Variants in SLC13A4 observed in about 807,000 individuals in gnomAD.
SLC13A4 encodes the protein Na(+)/sulfate cotransporter SUT-1.
In SLC13A4, 28 loss-of-function variants were observed where a neutral mutation model predicts 72.7. The ratio of observed to expected loss-of-function variants is 0.39; its 90% CI spans 0.29 to 0.53. The LOEUF (loss-of-function observed/expected upper bound fraction) is 0.53. Ranked by LOEUF, SLC13A4 falls within the 20% of genes least tolerant of loss-of-function variation. SLC13A4 has a pLI of 0.78. For synonymous variants in SLC13A4, 312 were observed against 325.5 expected (o/e 0.96, Z 0.45); for missense variants, 653 against 788.0 (o/e 0.83, Z 2.05).
At chr7:135,685,963 A>G (rs1401036691) in intron 13 of SLC13A4, among the ~76,000 whole-genome samples, 1 of 152,256 alleles carries the variant, frequency 6.6e-6, no homozygotes, top group African/African-American at 2.4e-5. Flanking sequence ...GGACTTTGCC[A>G]TGACAACTTG....
intron 13 of SLC13A4, among the ~76,000 whole-genome samples, chr7:135,688,337 A>G (rs904041824): frequency 6.6e-6 from 1 of 150,684 alleles, no homozygotes; most frequent in African/African-American, 2.4e-5. Flanking sequence ...GCTCACTGCA[A>G]CCTCCTCCTC....
At chr7:135,711,198 C>G (rs919517046) in intron 2 of SLC13A4, among the ~76,000 whole-genome samples, 1 of 152,158 alleles carries the variant, frequency 6.6e-6, no homozygotes, top group Non-Finnish European at 1.5e-5. Context: ...GATGCGGGAC[C>G]GTTGTGGGAG....
intron 15 of SLC13A4, 37 bp downstream of exon 15, chr7:135,684,087 C>T (rs908388382): frequency 2.6e-6 from 4 of 1,561,768 alleles, no homozygotes; most frequent in African/African-American, 2.7e-5. Flanking sequence ...GTCCTCATGG[C>T]AGCTGGGCCT....
chr7:135,706,154 G>C lies in SLC13A4; in HGVS notation c.512C>G (p.Ser171Cys), dbSNP rs751906640. 1 of 1,606,404 alleles carries C rather than the reference G, an allele frequency of 6.2e-7. No individual in the cohort carries two copies. Among genetic ancestry groups the C allele is most frequent in the Non-Finnish European group, 8.5e-7 (1 of 1,173,966 alleles). The change falls in exon 4 of 16, where the codon TCC becomes TGC. Residue 171 changes from serine (S) to cysteine (C), a missense_variant. Physicochemically the swap from Ser to Cys is moderately radical, Grantham distance 112 (BLOSUM62 -1). Coordinates refer to ENST00000682651, the MANE Select transcript of SLC13A4 (RefSeq NM_001318192.2). Reference protein sequence around the residue: ...AEDEQLVAGNSNTEEAEPISL... With the variant: ...AEDEQLVAGNCNTEEAEPISL... ...GATGGGTTCGGCCTCTTCGGTGTTG[G>C]AGTTGCCCGCCACGAGCTGCTCGTC...
chr7:135,688,306 G>T (rs1215557753), intron 13 of SLC13A4, among the ~76,000 whole-genome samples: 1 of 151,436 alleles, frequency 6.6e-6, no homozygotes, highest in Non-Finnish European at 1.5e-5. Flanking sequence ...ACCCAGGCTG[G>T]AATGCAGTGG....
At chr7:135,718,815 CT>C (rs1796483997) in intron 2 of SLC13A4, among the ~76,000 whole-genome samples, 1 of 152,108 alleles carries the variant, frequency 6.6e-6, no homozygotes, top group African/African-American at 2.4e-5. Context: ...TAGCTTCCCC[CT>C]GTGAGCCATG....
chr7:135,706,034 C>T, intron 4 of SLC13A4, 94 bp downstream of exon 4: 1 of 1,286,646 alleles, frequency 7.8e-7, no homozygotes. Flanking sequence ...CTGGGGTGGG[C>T]ACAAAGTTGG....
intron 2 of SLC13A4, among the ~76,000 whole-genome samples, chr7:135,720,397 G>A (rs115007135): frequency 4.5e-4 from 69 of 152,000 alleles, no homozygotes; most frequent in Middle Eastern, 3.4e-3. Flanking sequence ...ACTAGCATGC[G>A]CCTTGTACAG....
chr7:135,711,968 T>A (rs1796314803), intron 2 of SLC13A4, among the ~76,000 whole-genome samples: 2 of 42,418 alleles, frequency 4.7e-5, no homozygotes, highest in Non-Finnish European at 9.4e-5. Flanking sequence ...TTTGGATTTT[T>A]TTTTTTTTTT....
chr7:135,690,818 A>G (rs1795767504), intron 13 of SLC13A4, among the ~76,000 whole-genome samples: 1 of 152,150 alleles, frequency 6.6e-6, no homozygotes, highest in Admixed American at 6.5e-5. Flanking sequence ...CTTTCCTCCC[A>G]TGCCCATAAT....
chr7:135,691,439 C>CG, intron 12 of SLC13A4, 109 bp downstream of exon 12: 2 of 885,012 alleles, frequency 2.3e-6, no homozygotes, highest in Non-Finnish European at 3.2e-6. Flanking sequence ...GGGCGGGGGC[C>CG]GGGAGGGGGG....
At chr7:135,726,798 G>A (rs1403671573) in intron 1 of SLC13A4, among the ~76,000 whole-genome samples, 1 of 152,244 alleles carries the variant, frequency 6.6e-6, no homozygotes, top group Non-Finnish European at 1.5e-5. Context: ...ACGTGCATGG[G>A]AGCAGGGCAG....
intron 2 of SLC13A4, among the ~76,000 whole-genome samples, chr7:135,711,243 C>CGAA (rs1433289874): frequency 1.3e-5 from 2 of 152,126 alleles, no homozygotes; most frequent in Admixed American, 6.5e-5. Context: ...CACAGCCCTG[C>CGAA]GAAGCTTTTC....
At chr7:135,685,724 G>C in intron 13 of SLC13A4, 41 bp from the exon 14 acceptor site, 21 of 1,549,036 alleles carry the variant, frequency 1.4e-5, no homozygotes, top group Non-Finnish European at 1.8e-5. Context: ...AGGAGAAGAA[G>C]CACATCCCAG....
At chr7:135,705,898 C>A in intron 4 of SLC13A4, 2 of 559,324 alleles carry the variant, frequency 3.6e-6, no homozygotes, top group Non-Finnish European at 3.2e-6. Flanking sequence ...GAAAAGAGCC[C>A]AGAAGTGAAG....
intron 8 of SLC13A4, among the ~76,000 whole-genome samples, chr7:135,695,752 G>C (rs1188526804): frequency 6.6e-6 from 1 of 152,140 alleles, no homozygotes; most frequent in Non-Finnish European, 1.5e-5. Context: ...TTGCACTCAA[G>C]AGAATGACTC....
chr7:135,683,396 C>G (rs890471964), intron 15 of SLC13A4: 2 of 980,642 alleles, frequency 2.0e-6, no homozygotes, highest in African/African-American at 3.6e-5. Flanking sequence ...TGTTACTTTA[C>G]AGGGCTGCCC....
chr7:135,700,278 A>G (rs1481286827), intron 7 of SLC13A4, among the ~76,000 whole-genome samples: 2 of 152,148 alleles, frequency 1.3e-5, no homozygotes, highest in South Asian at 4.1e-4. Flanking sequence ...ACGGCCTTTC[A>G]GGGTCAGAGA....
At chr7:135,710,095 C>A (rs1406506470) in intron 2 of SLC13A4, among the ~76,000 whole-genome samples, 1 of 152,156 alleles carries the variant, frequency 6.6e-6, no homozygotes, top group Non-Finnish European at 1.5e-5. Context: ...AAAAGTCTAA[C>A]TTCTAATTGA....
Sources: gnomAD v4.1 joint callset for allele counts (sites outside exome capture counted in the v4.1 genomes callset) on GRCh38, gnomAD v4.1.1 for gene constraint, MANE v1.5 for transcripts, NCBI Gene and HGNC (gene_info 2026-07-23, HGNC 2026-07-21) for gene names.